The following LYPD6B variants were observed in gnomAD, a reference collection of about 807,000 sequenced individuals.
LYPD6B encodes the protein LY6/PLAUR domain containing 6B.
A neutral mutation model predicts 22.8 loss-of-function variants in LYPD6B; 17 were observed. The ratio of observed to expected loss-of-function variants is 0.75; its 90% CI spans 0.51 to 1.12. The LOEUF is 1.12. Ranked by LOEUF, LYPD6B falls within the 50% of genes most tolerant of loss-of-function variation. The pLI, the probability that LYPD6B is intolerant of heterozygous loss-of-function variation, is 0.00. For missense variants in LYPD6B, 221 were observed against 258.3 expected, an observed-to-expected ratio of 0.86 and a Z score of 0.99; for synonymous variants, 106 against 91.6, an observed-to-expected ratio of 1.16 and a Z score of -0.90.
chr2:149,177,368 G>T lies in LYPD6B; in HGVS notation c.77+16533G>T, dbSNP rs149561554. Among the ~76,000 whole-genome samples the T allele has an allele frequency of 1.6e-3, 249 of 152,278 alleles. 2 individuals are homozygous for T. Among genetic ancestry groups the T allele is most frequent in the African/African-American group, 5.7e-3 (237 of 41,552 alleles). ...GTGGTAACTAACAAAGCTGGCTGGG[G>T]TTATGTTTTTAGTATCTTGGCAGTA... On this transcript the variant is annotated intron_variant, in intron 3 of 6. Transcript: ENST00000409642.
chr2:149,097,419 G>GACACCC (rs772216791), intron 1 of LYPD6B, among the ~76,000 whole-genome samples: 4 of 152,154 alleles, frequency 2.6e-5, no homozygotes, highest in Non-Finnish European at 5.9e-5. Flanking sequence ...TAAATGCCAG[G>GACACCC]ACACCCAATT....
intron 5 of LYPD6B, among the ~76,000 whole-genome samples, chr2:149,209,216 T>A (rs1021448392): frequency 1.3e-5 from 2 of 152,094 alleles, no homozygotes; most frequent in East Asian, 1.9e-4. Context: ...AGGGAATACA[T>A]AGCAGTTGTG....
At chr2:149,190,258 A>ATG (rs141966381) in intron 3 of LYPD6B, among the ~76,000 whole-genome samples, 16 of 151,910 alleles carry the variant, frequency 1.1e-4, no homozygotes, top group Non-Finnish European at 1.0e-4. Flanking sequence ...ACAATAGGTA[A>ATG]TGTGTGTGTG....
At chr2:149,067,759 C>T (rs1372474553) in intron 1 of LYPD6B, among the ~76,000 whole-genome samples, 1 of 151,940 alleles carries the variant, frequency 6.6e-6, no homozygotes, top group East Asian at 1.9e-4. Context: ...ATTAATGTCT[C>T]AAATAGTTAT....
chr2:149,088,086 TC>T (rs2105427684), intron 1 of LYPD6B, among the ~76,000 whole-genome samples: 1 of 100,208 alleles, frequency 1.0e-5, no homozygotes, highest in East Asian at 3.1e-4. Context: ...AGTAACCCCC[TC>T]CTGTTGCTCC....
chr2:149,094,006 T>C (rs61206730), intron 1 of LYPD6B, among the ~76,000 whole-genome samples: 5,724 of 152,222 alleles, frequency 0.038, 328 homozygotes, highest in African/African-American at 0.13. Context: ...TGTATTCCAA[T>C]AGAATATGAC....
At chr2:149,120,018 G>A (rs1687206655) in intron 1 of LYPD6B, among the ~76,000 whole-genome samples, 1 of 151,978 alleles carries the variant, frequency 6.6e-6, no homozygotes, top group Non-Finnish European at 1.5e-5. Flanking sequence ...GCAGAGAAAA[G>A]GAATGGAGAC....
intron 2 of LYPD6B, among the ~76,000 whole-genome samples, chr2:149,159,175 GTTAA>G (rs961039436): frequency 2.6e-5 from 4 of 151,984 alleles, no homozygotes; most frequent in African/African-American, 9.7e-5. Context: ...TAGAGACATT[GTTAA>G]TTAATTACTC....
At chr2:149,096,516 T>C (rs1463505254) in intron 1 of LYPD6B, among the ~76,000 whole-genome samples, 1 of 152,214 alleles carries the variant, frequency 6.6e-6, no homozygotes, top group Admixed American at 6.5e-5. Flanking sequence ...AGATCCTGAA[T>C]TGGGTCCTGA....
chr2:149,079,866 T>C (rs188181308), intron 1 of LYPD6B, among the ~76,000 whole-genome samples: 9 of 152,306 alleles, frequency 5.9e-5, no homozygotes, highest in Non-Finnish European at 7.3e-5. Flanking sequence ...ATTTTGTCAT[T>C]TCTTTCATTC....
intron 3 of LYPD6B, among the ~76,000 whole-genome samples, chr2:149,193,823 A>G (rs924443673): frequency 1.3e-5 from 2 of 152,208 alleles, no homozygotes; most frequent in African/African-American, 4.8e-5. Context: ...TCCAGGTTTC[A>G]GTGAATTTAT....
intron 1 of LYPD6B, among the ~76,000 whole-genome samples, chr2:149,073,142 T>A (rs1032034): frequency 0.5 from 76,568 of 151,990 alleles, 19,946 homozygotes; most frequent in Middle Eastern, 0.7. Context: ...CAGAGCTGTT[T>A]AGAGTTTTTT....
intron 2 of LYPD6B, among the ~76,000 whole-genome samples, chr2:149,140,507 G>T (rs2105765056): frequency 6.6e-6 from 1 of 152,310 alleles, no homozygotes; most frequent in Non-Finnish European, 1.5e-5. Context: ...TGCCCGTTCA[G>T]CATGGCAATT....
At chr2:149,119,543 G>T (rs1050642911) in intron 1 of LYPD6B, among the ~76,000 whole-genome samples, 2 of 152,232 alleles carry the variant, frequency 1.3e-5, no homozygotes, top group African/African-American at 2.4e-5. Context: ...GATGAACTCA[G>T]TTGACGGTCT....
intron 3 of LYPD6B, among the ~76,000 whole-genome samples, chr2:149,180,428 G>A (rs1011000464): frequency 6.6e-6 from 1 of 152,194 alleles, no homozygotes; most frequent in African/African-American, 2.4e-5. Context: ...GGGCACAACA[G>A]CCCTTTTCTT....
chr2:149,115,188 C>T (rs1686943633), intron 1 of LYPD6B, among the ~76,000 whole-genome samples: 1 of 152,164 alleles, frequency 6.6e-6, no homozygotes, highest in Non-Finnish European at 1.5e-5. Context: ...ATCCTCTCGC[C>T]TCGGCCTCCC....
intron 6 of LYPD6B, among the ~76,000 whole-genome samples, chr2:149,213,419 G>T (rs1467573432): frequency 6.6e-6 from 1 of 152,188 alleles, no homozygotes. Flanking sequence ...GGAGACCAAA[G>T]AAATGAAGGA....
At chr2:149,100,537 A>T (rs186313824) in intron 1 of LYPD6B, among the ~76,000 whole-genome samples, 7 of 151,000 alleles carry the variant, frequency 4.6e-5, no homozygotes, top group Admixed American at 4.0e-4. Context: ...TATCCTCTGG[A>T]TCCCCTTGCC....
chr2:149,053,454 A>G (rs1683654540), intron 1 of LYPD6B, among the ~76,000 whole-genome samples: 1 of 152,198 alleles, frequency 6.6e-6, no homozygotes, highest in African/African-American at 2.4e-5. Flanking sequence ...CTGAGGTTAA[A>G]TTCTTAAATT....
Sources: allele counts gnomAD v4.1 joint callset (sites outside exome capture counted in the v4.1 genomes callset), GRCh38; gene constraint gnomAD v4.1.1; transcripts MANE v1.5; gene names NCBI Gene and HGNC (gene_info 2026-07-23, HGNC 2026-07-21).